NPSR1: variants seen among roughly 807,000 people sequenced by gnomAD.
NPSR1 encodes neuropeptide S receptor 1.
A neutral mutation model predicts 46.9 loss-of-function variants in NPSR1; 48 were observed. The ratio of observed to expected loss-of-function variants is 1.02; its 90% CI spans 0.81 to 1.30. The LOEUF is 1.30. NPSR1 is among the 50% of genes most tolerant of loss of function. NPSR1 has a pLI of 0.00. For missense variants in NPSR1, 450 were observed against 449.5 expected (o/e 1.00, Z -0.01); for synonymous variants, 176 against 168.1 (o/e 1.05, Z -0.36).
chr7:34,805,362 A>G (rs1788642973), intron 3 of NPSR1, among the ~76,000 whole-genome samples: 1 of 151,830 alleles, frequency 6.6e-6, no homozygotes, highest in South Asian at 2.1e-4. Flanking sequence ...CAGAGAGCCC[A>G]GAAATAGACA....
chr7:34,855,173 A>G (rs192030195), intron 8 of NPSR1, among the ~76,000 whole-genome samples: 123 of 152,320 alleles, frequency 8.1e-4, no homozygotes, highest in African/African-American at 2.9e-3. Context: ...AAAAATCAAT[A>G]AACAAATTAT....
At chr7:34,853,698 C>G (rs1790989566), downstream of NPSR1, among the ~76,000 whole-genome samples, 1 of 152,156 alleles carries the variant, frequency 6.6e-6, no homozygotes, top group African/African-American at 2.4e-5. Context: ...TGGTGGCTCA[C>G]GCCTGTAATC....
At chr7:34,801,587 C>G (rs558344376) in intron 3 of NPSR1, among the ~76,000 whole-genome samples, 1 of 141,762 alleles carries the variant, frequency 7.1e-6, no homozygotes, top group Admixed American at 7.0e-5. Flanking sequence ...TAAGAGCTAT[C>G]TATGACAAAC....
Position 34,760,906 on chromosome 7 carries a change from T to C in NPSR1, c.281-17556T>C, listed in dbSNP as rs138610806. The stretch of plus-strand genomic sequence containing the variant: ...CTCTAAGAGGAGCCAGTGTGATGCC[T>C]AAACATAGGCATGTAGGCTACTTGA... On this transcript the variant is annotated intron_variant, in intron 2 of 8. Transcript: ENST00000360581. Among the ~76,000 whole-genome samples the C allele has an allele frequency of 2.9e-3, 445 of 152,304 alleles. 1 individual carries two copies. The highest frequency in any genetic ancestry group is 9.9e-3 in the African/African-American group (412 of 41,566).
intron 2 of NPSR1, among the ~76,000 whole-genome samples, chr7:34,714,577 T>A (rs911817148): frequency 6.6e-6 from 1 of 152,204 alleles, no homozygotes; most frequent in Non-Finnish European, 1.5e-5. Context: ...GCTCCCTCAG[T>A]TTCCAAAGAT....
intron 2 of NPSR1, among the ~76,000 whole-genome samples, chr7:34,748,355 G>T (rs967580332): frequency 6.6e-6 from 1 of 152,216 alleles, no homozygotes; most frequent in African/African-American, 2.4e-5. Context: ...CACCATCACA[G>T]CCACTTCACA....
intron 4 of NPSR1, among the ~76,000 whole-genome samples, chr7:34,826,650 G>A (rs1011391529): frequency 3.9e-5 from 6 of 152,170 alleles, no homozygotes; most frequent in African/African-American, 1.4e-4. Context: ...TGTATTAATT[G>A]TCTCTCTCCA....
At chr7:34,873,418 G>GCT in intron 8 of NPSR1, among the ~76,000 whole-genome samples, 1 of 151,746 alleles carries the variant, frequency 6.6e-6, no homozygotes, top group South Asian at 2.1e-4. Context: ...CCTGAGGCTG[G>GCT]CTAATTTATA....
chr7:34,838,835 T>C (rs990314046), intron 6 of NPSR1, among the ~76,000 whole-genome samples: 7 of 152,232 alleles, frequency 4.6e-5, no homozygotes, highest in African/African-American at 9.6e-5. Flanking sequence ...GAGCATATTA[T>C]TGATGTCCAG....
At chr7:34,741,967 T>C (rs540453772) in intron 2 of NPSR1, among the ~76,000 whole-genome samples, 1 of 152,242 alleles carries the variant, frequency 6.6e-6, no homozygotes, top group South Asian at 2.1e-4. Flanking sequence ...TTGCTGGATG[T>C]ATGGAACCTT....
At chr7:34,752,038 G>T (rs930354372) in intron 2 of NPSR1, 1 of 710,124 alleles carries the variant, frequency 1.4e-6, no homozygotes, top group African/African-American at 1.8e-5. Flanking sequence ...TAGTCCTGTG[G>T]AAACTTCGGA....
chr7:34,803,643 A>C (rs942700620), intron 3 of NPSR1, among the ~76,000 whole-genome samples: 2 of 151,974 alleles, frequency 1.3e-5, no homozygotes, highest in Admixed American at 6.6e-5. Context: ...GGTGCACCAC[A>C]CCAGCATGGC....
intron 2 of NPSR1, among the ~76,000 whole-genome samples, chr7:34,728,100 A>C (rs1213571508): frequency 6.6e-6 from 1 of 151,150 alleles, no homozygotes; most frequent in Non-Finnish European, 1.5e-5. Flanking sequence ...ATTATACTTT[A>C]AGTTTTAGGG....
downstream of NPSR1, among the ~76,000 whole-genome samples, chr7:34,853,734 G>A (rs1258859364): frequency 2.0e-5 from 3 of 152,152 alleles, no homozygotes; most frequent in Non-Finnish European, 4.4e-5. Context: ...GCCGAGGAGG[G>A]CGGATCACCT....
At chr7:34,703,839 C>T (rs1288008397) in intron 2 of NPSR1, 2 of 152,360 alleles carry the variant, frequency 1.3e-5, no homozygotes, top group Non-Finnish European at 2.9e-5. Flanking sequence ...ACTTACTTGT[C>T]TGTTTTATTC....
intron 1 of NPSR1, among the ~76,000 whole-genome samples, chr7:34,669,493 C>T (rs12701376): frequency 0.12 from 17,767 of 151,334 alleles, 1,197 homozygotes; most frequent in African/African-American, 0.18. Context: ...TGCTTGATCC[C>T]GGGAGGCAGA....
intron 3 of NPSR1, among the ~76,000 whole-genome samples, chr7:34,804,248 G>A (rs1770875601): frequency 6.6e-6 from 1 of 151,950 alleles, no homozygotes. Flanking sequence ...GAACATAAAT[G>A]CAAAAATTCT....
In NPSR1 at chr7:34,745,909, T is replaced by A. The variant is rs548374128; in HGVS notation, c.281-32553T>A. Among the ~76,000 whole-genome samples the A allele has an allele frequency of 6.6e-5, 10 of 152,360 alleles. No individual in the cohort carries two copies. The South Asian group carries it at 2.1e-3, about 32-fold the overall frequency. On this transcript the variant is annotated intron_variant, in intron 2 of 8. Transcript: ENST00000360581. ...CTGTGTGTACACAGGTGTTCATGTT[T>A]ATACATTTGAGTTTTCCAAAAGCCA...
Position 34,843,089 on chromosome 7 carries a change from C to T in NPSR1, c.758-1807C>T, listed in dbSNP as rs535459621. 2.0e-5 allele frequency among the ~76,000 whole-genome samples: 3 copies of T among 152,326 alleles called. No individual in the cohort carries two copies. The East Asian group carries it at 5.8e-4, about 29-fold the overall frequency. ...TGAGTTCACTTGATGCTCTCTGCAT[C>T]TCCCACACAGCCTCCCCAGCACAGT... is the stretch of plus-strand genomic sequence containing the variant. On this transcript the variant is annotated intron_variant, in intron 6 of 8. Coordinates refer to ENST00000360581, the MANE Select transcript of NPSR1 (RefSeq NM_207172.2).
Sources: allele counts gnomAD v4.1 joint callset (sites outside exome capture counted in the v4.1 genomes callset), GRCh38; gene constraint gnomAD v4.1.1; transcripts MANE v1.5; gene names NCBI Gene and HGNC (gene_info 2026-07-23, HGNC 2026-07-21).